HEATR5A: variants seen among roughly 807,000 people sequenced by gnomAD.
The protein encoded by HEATR5A is HEAT repeat containing 5A, also known as HEAT repeat-containing protein 5A.
In HEATR5A, 178 loss-of-function variants were observed where a neutral mutation model predicts 218.8. The ratio of observed to expected loss-of-function variants is 0.81; its 90% CI spans 0.72 to 0.92. The LOEUF (loss-of-function observed/expected upper bound fraction) is 0.92, where lower values mean the gene tolerates loss of function less well. HEATR5A is among the 40% of genes least tolerant of loss of function. The pLI is 0.00. For synonymous variants in HEATR5A, 864 were observed against 871.6 expected (o/e 0.99, Z 0.15); for missense variants, 2,420 against 2,418.9 (o/e 1.00, Z -0.01).
intron 2 of HEATR5A, among the ~76,000 whole-genome samples, chr14:31,402,171 CT>C (rs2030902709): frequency 6.6e-6 from 1 of 152,128 alleles, no homozygotes; most frequent in South Asian, 2.1e-4. Flanking sequence ...AATAAAATGT[CT>C]TCTGTTAAAT....
intron 34 of HEATR5A, 50 bp from the exon 35 acceptor site, chr14:31,294,154 A>G (rs1226152944): frequency 8.1e-7 from 1 of 1,234,442 alleles, no homozygotes; most frequent in Admixed American, 2.4e-5. Flanking sequence ...AAATTTTTAA[A>G]AAGTCCCTGA....
intron 1 of HEATR5A, among the ~76,000 whole-genome samples, chr14:31,407,584 T>TTATA (rs1039144242): frequency 0.011 from 14 of 1,328 alleles, no homozygotes; most frequent in African/African-American, 0.014. Context: ...CTTATTTTAT[T>TTATA]TATATATATA....
At chr14:31,378,806 A>C (rs990439486) in intron 11 of HEATR5A, among the ~76,000 whole-genome samples, 4 of 146,038 alleles carry the variant, frequency 2.7e-5, no homozygotes, top group African/African-American at 7.6e-5. Context: ...ACAAACAAAA[A>C]AAAAAAACAC....
At chr14:31,354,157 G>A (rs1009198048) in intron 16 of HEATR5A, among the ~76,000 whole-genome samples, 7 of 151,808 alleles carry the variant, frequency 4.6e-5, no homozygotes, top group African/African-American at 1.7e-4. Flanking sequence ...GGAAGATTAC[G>A]GAGGGTAAAT....
Position 31,350,282 on chromosome 14 carries a change from T to C in HEATR5A, c.2518-303A>G, listed in dbSNP as rs184263754. On this transcript the variant is annotated intron_variant, in intron 17 of 35. Coordinates refer to ENST00000543095, the MANE Select transcript of HEATR5A (RefSeq NM_015473.4). ...AATAAGCGACTAATGAAGTCTATTA[T>C]ATTTTACTGTACATAGAAACGGTAA... 4.6e-5 allele frequency among the ~76,000 whole-genome samples: 7 copies of C among 152,328 alleles called. No individual in the cohort carries two copies. The East Asian group carries it at 1.2e-3, about 25-fold the overall frequency.
chr14:31,333,242 G>C (rs559331043), intron 22 of HEATR5A, among the ~76,000 whole-genome samples: 33 of 152,094 alleles, frequency 2.2e-4, no homozygotes, highest in African/African-American at 7.5e-4. Context: ...CAAAACAACA[G>C]TTTTTCTTTT....
Position 31,315,832 on chromosome 14 carries a change from G to A in HEATR5A, c.4156C>T (p.His1386Tyr). Residue 1386 changes from histidine (H) to tyrosine (Y), a missense_variant, in exon 27 of 36, where the codon CAC becomes TAC. Physicochemically the swap from His to Tyr is moderately conservative, Grantham distance 83. Coordinates refer to ENST00000543095, the MANE Select transcript of HEATR5A (RefSeq NM_015473.4). ...GTAGAAGCACTTTCATTATATAAGT[G>A]ACTTAGAGCTTCTTTTCCAGCCTGT... Reference protein sequence around the residue: ...KIQAGKEALSHLYNESASTME... With the variant: ...KIQAGKEALSYLYNESASTME... 1 of 1,613,098 alleles carries A rather than the reference G, an allele frequency of 6.2e-7. No individual in the cohort carries two copies. Among genetic ancestry groups the A allele is most frequent in the Non-Finnish European group, 8.5e-7 (1 of 1,179,478 alleles).
At chr14:31,330,337 G>A (rs1900421088) in intron 22 of HEATR5A, among the ~76,000 whole-genome samples, 1 of 152,168 alleles carries the variant, frequency 6.6e-6, no homozygotes, top group South Asian at 2.1e-4. Flanking sequence ...GGCTGGAACA[G>A]CTGGAACACA....
chr14:31,359,701 G>A (rs569586755), intron 14 of HEATR5A, among the ~76,000 whole-genome samples: 1 of 139,600 alleles, frequency 7.2e-6, no homozygotes, highest in South Asian at 2.2e-4. Context: ...CTCCAGCCTG[G>A]GCAACAGAAT....
Position 31,338,887 on chromosome 14 carries a change from T to C in HEATR5A, c.3229-1273A>G, listed in dbSNP as rs570381698. On this transcript the variant is annotated intron_variant, in intron 21 of 35. Coordinates refer to ENST00000543095, the MANE Select transcript of HEATR5A (RefSeq NM_015473.4). ...ACGCTAGCACTTTGGGAGGCCGAGG[T>C]AGGCAGATCACTTGAGGTCAGGAGT... Among the ~76,000 whole-genome samples the C allele has an allele frequency of 2.5e-3, 379 of 151,826 alleles. 8 individuals are homozygous for C. The highest frequency in any genetic ancestry group is 0.023 in the Admixed American group (345 of 15,238).
intron 32 of HEATR5A, among the ~76,000 whole-genome samples, chr14:31,303,775 T>C (rs1479128362): frequency 6.6e-6 from 1 of 152,160 alleles, no homozygotes; most frequent in Non-Finnish European, 1.5e-5. Flanking sequence ...ATAAGGGTCA[T>C]TTCAGATCAA....
intron 32 of HEATR5A, 40 bp downstream of exon 32, chr14:31,304,865 T>G: frequency 1.3e-6 from 2 of 1,591,028 alleles, no homozygotes; most frequent in African/African-American, 2.7e-5. Flanking sequence ...AAACCATTTC[T>G]CTTCTAGGTC....
At chr14:31,370,597 T>C (rs1438787060) in intron 13 of HEATR5A, among the ~76,000 whole-genome samples, 4 of 152,214 alleles carry the variant, frequency 2.6e-5, no homozygotes, top group Non-Finnish European at 4.4e-5. Context: ...ACTAGGTACA[T>C]ACCCTAGAGA....
chr14:31,304,792 A>G, intron 32 of HEATR5A, 113 bp downstream of exon 32: 1 of 1,046,654 alleles, frequency 9.6e-7, no homozygotes, highest in Non-Finnish European at 1.4e-6. Context: ...ACAATACCCA[A>G]ATGTTTGGGT....
intron 22 of HEATR5A, among the ~76,000 whole-genome samples, chr14:31,336,711 A>G (rs1266970042): frequency 6.6e-6 from 1 of 152,210 alleles, no homozygotes; most frequent in African/African-American, 2.4e-5. Flanking sequence ...TCTGCGGCAA[A>G]CAGAGGCAGG....
At chr14:31,370,644 C>T (rs938740003) in intron 13 of HEATR5A, among the ~76,000 whole-genome samples, 18 of 152,138 alleles carry the variant, frequency 1.2e-4, no homozygotes, top group African/African-American at 4.3e-4. Flanking sequence ...ACATTATTAC[C>T]ATAAGCTTTA....
At chr14:31,322,321 A>G (rs898085113) in intron 24 of HEATR5A, among the ~76,000 whole-genome samples, 2 of 152,346 alleles carry the variant, frequency 1.3e-5, no homozygotes, top group Middle Eastern at 3.4e-3. Flanking sequence ...TTTAACTGAG[A>G]GCACAGGAAT....
chr14:31,303,328 G>A (rs1424040069), intron 32 of HEATR5A, among the ~76,000 whole-genome samples: 1 of 152,100 alleles, frequency 6.6e-6, no homozygotes, highest in African/African-American at 2.4e-5. Context: ...AGATACTCGG[G>A]AGGCTGAGGC....
chr14:31,348,516 G>A (rs1440594161), intron 18 of HEATR5A, among the ~76,000 whole-genome samples: 2 of 152,170 alleles, frequency 1.3e-5, no homozygotes. Flanking sequence ...CCAGGAGTTC[G>A]AGGCTGCAGT....
Sources: gnomAD v4.1 joint callset for allele counts (sites outside exome capture counted in the v4.1 genomes callset) on GRCh38, gnomAD v4.1.1 for gene constraint, MANE v1.5 for transcripts, NCBI Gene and HGNC (gene_info 2026-07-23, HGNC 2026-07-21) for gene names.